Variants in TMEM255B observed in about 807,000 individuals in gnomAD.
TMEM255B encodes the protein transmembrane protein 255B.
Under a neutral mutation model 34.5 loss-of-function variants are expected in TMEM255B, and 35 were observed. That is an observed-to-expected ratio of 1.01 (90% CI 0.77 to 1.34). TMEM255B has a LOEUF of 1.34. Ranked by LOEUF, TMEM255B falls within the 40% of genes most tolerant of loss-of-function variation. The pLI is 0.00. For missense variants in TMEM255B, 432 were observed against 433.2 expected (o/e 1.00, Z 0.02); for synonymous variants, 206 against 201.2 (o/e 1.02, Z -0.20).
chr13:113,799,485 T>G, intron 5 of TMEM255B, 66 bp downstream of exon 5: 9 of 1,457,318 alleles, frequency 6.2e-6, no homozygotes, highest in Non-Finnish European at 8.7e-6. Flanking sequence ...CACGCGGTTT[T>G]CCCTGCACAT....
chr13:113,781,333 C>A (rs2050663316), intron 3 of TMEM255B, among the ~76,000 whole-genome samples: 1 of 152,220 alleles, frequency 6.6e-6, no homozygotes, highest in Non-Finnish European at 1.5e-5. Context: ...CAACCATTCA[C>A]AACTTGCTTA....
At chr13:113,802,110 A>G (rs1316337129) in intron 7 of TMEM255B, among the ~76,000 whole-genome samples, 8 of 152,246 alleles carry the variant, frequency 5.3e-5, no homozygotes, top group South Asian at 2.1e-4. Context: ...GCCCTTGTGC[A>G]CTAAGCTCCC....
chr13:113,787,952 G>C (rs1357589341), intron 3 of TMEM255B, among the ~76,000 whole-genome samples: 1 of 146,124 alleles, frequency 6.8e-6, no homozygotes, highest in Non-Finnish European at 1.5e-5. Flanking sequence ...GCATGGACGG[G>C]GAGGAGGTGT....
At chr13:113,775,696 C>T (rs903739486) in intron 3 of TMEM255B, among the ~76,000 whole-genome samples, 9 of 152,254 alleles carry the variant, frequency 5.9e-5, no homozygotes, top group East Asian at 5.8e-4. Flanking sequence ...GGAGCACAGG[C>T]GGAGCATGGG....
intron 1 of TMEM255B, 96 bp from the exon 2 acceptor site, chr13:113,766,019 G>A: frequency 6.5e-7 from 1 of 1,537,854 alleles, no homozygotes. Flanking sequence ...TGCATCCCAG[G>A]ACCCCTGGGT....
In TMEM255B at chr13:113,803,889, C is replaced by T. The variant is rs1420187488; in HGVS notation, c.670-996C>T. On this transcript the variant is annotated intron_variant, in intron 7 of 8. Transcript: ENST00000375353. ...GAGGACACCTCAGGCCTGGGGTCAT[C>T]ACCCTGTCCCGGGGTTTTCACCGTG... Among the ~76,000 whole-genome samples, 6 of 152,394 alleles carry T rather than the reference C, an allele frequency of 3.9e-5. No individual in the cohort carries two copies. In the East Asian group the frequency reaches 9.6e-4, roughly 24 times the overall value.
chr13:113,807,394 T>C lies in TMEM255B; in HGVS notation c.813+2366T>C, dbSNP rs373333967. Among the ~76,000 whole-genome samples, 282 of 101,178 alleles carry C rather than the reference T, an allele frequency of 2.8e-3. 2 individuals carry two copies. The highest frequency in any genetic ancestry group is 0.014 in the Middle Eastern group (2 of 144). 66.4% of individuals were successfully genotyped at this position (101,178 alleles called of 152,430 possible). ...TACGGGATGTGGGGGTGGTCCTCCC[T>C]GTCACACGTGGGCTTACGGGATGTG... On this transcript the variant is annotated intron_variant, in intron 8 of 8. Transcript: ENST00000375353.
rs761861349 is a variant in TMEM255B at position 113,801,707 on chromosome 13, C to T, written c.564C>T (p.Asp188=). Residue 188 remains aspartate, a synonymous_variant, in exon 7 of 9, where the codon GAC becomes GAT. Coordinates refer to ENST00000375353, the MANE Select transcript of TMEM255B (RefSeq NM_182614.4). ...YEFIGVSGCQ[D]VLHLYRLLWA... is the part of the protein sequence containing the mutation. Reference sequence around the variant, plus strand: ...TCATCGGCGTCAGCGGCTGCCAGGACGTGCTGCACCTGTACCGCCTGCTCT... The same window carrying T: ...TCATCGGCGTCAGCGGCTGCCAGGATGTGCTGCACCTGTACCGCCTGCTCT... 86 of 1,612,210 alleles carry T rather than the reference C, an allele frequency of 5.3e-5. No individual in the cohort carries two copies. Among genetic ancestry groups the T allele is most frequent in the Admixed American group, 6.7e-5 (4 of 59,916 alleles).
At chr13:113,779,180 A>T (rs2050629134) in intron 3 of TMEM255B, among the ~76,000 whole-genome samples, 1 of 152,074 alleles carries the variant, frequency 6.6e-6, no homozygotes, top group Non-Finnish European at 1.5e-5. Context: ...GGTCACGCTG[A>T]TATTAGACAT....
chr13:113,815,584 T>A lies in TMEM255B; in HGVS notation c.*3681T>A, dbSNP rs2051392726. 1 of 153,190 alleles carries A rather than the reference T, an allele frequency of 6.5e-6. No individual in the cohort carries two copies. The highest frequency in any genetic ancestry group is 1.5e-5 in the Non-Finnish European group (1 of 68,732). 9.5% of individuals were successfully genotyped at this position (153,190 alleles called of 1,614,324 possible). On this transcript the variant is annotated 3_prime_UTR_variant, in exon 9 of 9. Transcript: ENST00000375353. ...AGTCTCACGAGATCTGACTGGTTGA[T>A]CAGGATTTCCGCTTTTGCTTCTTCC...
At chr13:113,786,002 C>T (rs1483295129) in intron 3 of TMEM255B, among the ~76,000 whole-genome samples, 1 of 152,198 alleles carries the variant, frequency 6.6e-6, no homozygotes, top group Non-Finnish European at 1.5e-5. Flanking sequence ...AAGCAAAGCA[C>T]ACGAACATTC....
intron 3 of TMEM255B, among the ~76,000 whole-genome samples, chr13:113,780,974 A>T (rs1250159424): frequency 1.3e-5 from 2 of 152,248 alleles, no homozygotes; most frequent in Non-Finnish European, 2.9e-5. Context: ...TAACATATTT[A>T]TACAAACACA....
In TMEM255B at chr13:113,815,653, C is replaced by T. The variant is rs1209714241; in HGVS notation, c.*3750C>T. 6.5e-6 allele frequency: 1 copy of T among 153,390 alleles called. No homozygotes were observed. Among genetic ancestry groups the T allele is most frequent in the Non-Finnish European group, 1.5e-5 (1 of 68,874 alleles). 9.5% of individuals were successfully genotyped at this position (153,390 alleles called of 1,614,324 possible). ...GCCGTGTAAGAAGTGCCTTTTGCCT[C>T]CCACCGTGATTCTGAGGCCTCCCCA... is the stretch of plus-strand genomic sequence containing the variant. On this transcript the variant is annotated 3_prime_UTR_variant, in exon 9 of 9. Transcript: ENST00000375353.
rs895321135 is a variant in TMEM255B at position 113,790,720 on chromosome 13, G to A, written c.253-4428G>A. Among the ~76,000 whole-genome samples, 122 of 144,738 alleles carry A rather than the reference G, an allele frequency of 8.4e-4. 1 individual carries two copies. The highest frequency in any genetic ancestry group is 2.9e-3 in the African/African-American group (113 of 38,734). The allele number at this position is 144,738 out of a possible 152,430, so 95.0% of individuals were successfully genotyped here. ...TGGACATCCTAGCTGTGGACTGACC[G>A]GACACGTGGACATCCTAGCACTGAA... On this transcript the variant is annotated intron_variant, in intron 3 of 8. Coordinates refer to ENST00000375353, the MANE Select transcript of TMEM255B (RefSeq NM_182614.4).
chr13:113,812,137 T>C lies in TMEM255B; in HGVS notation c.*234T>C, dbSNP rs1230163093. On this transcript the variant is annotated 3_prime_UTR_variant, in exon 9 of 9. Transcript: ENST00000375353. ...TGGCTTGGGCTCTGCTCACATCAAA[T>C]GGCGCTGAAAGTTCCCACCCGGCCT... is the stretch of plus-strand genomic sequence containing the variant. The C allele has an allele frequency of 9.2e-6, 5 of 542,566 alleles. No individual in the cohort carries two copies. Among genetic ancestry groups the C allele is most frequent in the Non-Finnish European group, 1.6e-5 (5 of 313,700 alleles). The allele number at this position is 542,566 out of a possible 1,614,324, so 33.6% of individuals were successfully genotyped here.
chr13:113,809,183 T>A (rs1282126632), intron 8 of TMEM255B, among the ~76,000 whole-genome samples: 1 of 126,714 alleles, frequency 7.9e-6, no homozygotes, highest in Non-Finnish European at 1.7e-5. Flanking sequence ...GGTTCCTGGA[T>A]GTTTACTCCA....
rs1233297958 is a variant in TMEM255B, at chr13:113,799,579, G to A, written c.423+160G>A. On this transcript the variant is annotated intron_variant, in intron 5 of 8. Coordinates refer to ENST00000375353, the MANE Select transcript of TMEM255B (RefSeq NM_182614.4). Reference sequence around the variant, plus strand: ...GAACCGTTGATGCCCCCTGTGTTTGGGACCTTGACATTTCGATGTGCTGTA... The same window carrying A: ...GAACCGTTGATGCCCCCTGTGTTTGAGACCTTGACATTTCGATGTGCTGTA... 1.6e-5 allele frequency: 11 copies of A among 669,896 alleles called. No individual in the cohort carries two copies. The Admixed American group carries it at 2.6e-4, about 16-fold the overall frequency. 41.5% of individuals were successfully genotyped at this position (669,896 alleles called of 1,614,324 possible).
chr13:113,797,944 A>G lies in TMEM255B; in HGVS notation c.343-1395A>G, dbSNP rs112193942. ...GTCTGTCTTCTTCACTAGTCTATAA[A>G]TCCCTTAAGGGCAAGAACTGTGTCT... On this transcript the variant is annotated intron_variant, in intron 4 of 8. Transcript: ENST00000375353. Among the ~76,000 whole-genome samples, 545 of 152,308 alleles carry G rather than the reference A, an allele frequency of 3.6e-3. 1 individual carries two copies. Among genetic ancestry groups the G allele is most frequent in the African/African-American group, 0.012 (518 of 41,568 alleles).
intron 8 of TMEM255B, among the ~76,000 whole-genome samples, chr13:113,809,105 C>T (rs1461030852): frequency 9.9e-6 from 1 of 101,200 alleles, no homozygotes; most frequent in Non-Finnish European, 1.8e-5. Context: ...CTCCATGGTT[C>T]CCGGGGGCTT....
Sources: gnomAD v4.1 joint callset for allele counts (sites outside exome capture counted in the v4.1 genomes callset) on GRCh38, gnomAD v4.1.1 for gene constraint, MANE v1.5 for transcripts, NCBI Gene and HGNC (gene_info 2026-07-23, HGNC 2026-07-21) for gene names.